Variants in RALGAPA2 observed in about 807,000 individuals in gnomAD.
RALGAPA2 encodes the protein ral GTPase-activating protein subunit alpha-2.
RALGAPA2 carries 139 observed loss-of-function variants against 230.4 expected under a neutral mutation model. The observed-to-expected ratio is 0.60, with a 90% CI of 0.53 to 0.69. The LOEUF is 0.69. Ranked by LOEUF, RALGAPA2 falls within the 30% of genes least tolerant of loss-of-function variation. The pLI, the probability that RALGAPA2 is intolerant of heterozygous loss-of-function variation, is 0.00. For missense variants in RALGAPA2, 2,163 were observed against 2,276.0 expected (o/e 0.95, Z 1.01); for synonymous variants, 847 against 837.8 (o/e 1.01, Z -0.19).
At chr20:20,479,957 C>T (rs1276808295) in intron 36 of RALGAPA2, among the ~76,000 whole-genome samples, 1 of 152,192 alleles carries the variant, frequency 6.6e-6, no homozygotes, top group African/African-American at 2.4e-5. Context: ...AATCCAAATG[C>T]ATTCCTCTCC....
intron 37 of RALGAPA2, among the ~76,000 whole-genome samples, chr20:20,449,842 T>C (rs1256604046): frequency 6.6e-6 from 1 of 152,248 alleles, no homozygotes; most frequent in East Asian, 1.9e-4. Context: ...AAAATATAAT[T>C]TCATTAACAG....
At chr20:20,445,615 T>C (rs970064075) in intron 37 of RALGAPA2, among the ~76,000 whole-genome samples, 4 of 152,222 alleles carry the variant, frequency 2.6e-5, no homozygotes, top group Non-Finnish European at 5.9e-5. Flanking sequence ...ATTTTCTCCA[T>C]GGCTGGGGAT....
intron 34 of RALGAPA2, among the ~76,000 whole-genome samples, chr20:20,504,356 T>C (rs73289170): frequency 0.011 from 1,678 of 152,292 alleles, 26 homozygotes; most frequent in African/African-American, 0.038. Flanking sequence ...TTACCCTGTT[T>C]CCATCCCTGC....
At chr20:20,569,467 A>G (rs1247316719) in intron 23 of RALGAPA2, among the ~76,000 whole-genome samples, 1 of 152,188 alleles carries the variant, frequency 6.6e-6, no homozygotes, top group Admixed American at 6.5e-5. Context: ...TGTTGGGATT[A>G]CTGTTAGCAT....
intron 1 of RALGAPA2, among the ~76,000 whole-genome samples, chr20:20,711,985 A>G (rs561094917): frequency 1.1e-4 from 17 of 152,114 alleles, no homozygotes; most frequent in Non-Finnish European, 2.4e-4. Context: ...TTAGGGTCTC[A>G]GACTCAAAAA....
rs938254222 is a variant in RALGAPA2, at chr20:20,512,687, A to G, written c.4682T>C (p.Ile1561Thr). Residue 1561 changes from isoleucine to threonine, a missense_variant, in exon 32 of 40, where the codon ATT becomes ACT. By Grantham distance (89) the Ile-to-Thr change is moderately conservative. Transcript: ENST00000202677. ...AGCATTTTGGCGCAAAATGACCTCAATGATTTCCTTCTCTTGGTCATAGTT... is the reference window on the plus strand; with the variant it reads ...AGCATTTTGGCGCAAAATGACCTCAGTGATTTCCTTCTCTTGGTCATAGTT... ...GMNYDQEKEIIEVILRQNAQE... is the reference protein window; with the variant it reads ...GMNYDQEKEITEVILRQNAQE... 4.3e-6 allele frequency: 7 copies of G among 1,613,904 alleles called. No individual in the cohort carries two copies. The highest frequency in any genetic ancestry group is 1.3e-5 in the African/African-American group (1 of 74,932).
chr20:20,639,395 T>C lies in RALGAPA2; in HGVS notation c.666+390A>G, dbSNP rs139060745. ...CATATGAGAAAAATAATACATGACA[T>C]AAAGGAGGCCTGTGCCAATGGCATG... is the stretch of plus-strand genomic sequence containing the variant. On this transcript the variant is annotated intron_variant, in intron 7 of 39. Transcript: ENST00000202677. Among the ~76,000 whole-genome samples, 5 of 152,300 alleles carry C rather than the reference T, an allele frequency of 3.3e-5. No homozygotes were observed. The East Asian group carries it at 9.7e-4, about 29-fold the overall frequency.
chr20:20,552,718 G>C (rs892686028), intron 23 of RALGAPA2, among the ~76,000 whole-genome samples: 1 of 152,152 alleles, frequency 6.6e-6, no homozygotes, highest in African/African-American at 2.4e-5. Flanking sequence ...TTAAGTATTA[G>C]TTATTGCCCA....
intron 36 of RALGAPA2, among the ~76,000 whole-genome samples, chr20:20,477,229 C>T (rs61145166): frequency 0.01 from 1,528 of 152,224 alleles, 21 homozygotes; most frequent in African/African-American, 0.035. Context: ...TCCAAGGAAA[C>T]GTTTTCCAGA....
chr20:20,706,065 C>T (rs543930434), intron 1 of RALGAPA2, among the ~76,000 whole-genome samples: 1 of 152,162 alleles, frequency 6.6e-6, no homozygotes, highest in Non-Finnish European at 1.5e-5. Context: ...AAGTATTATG[C>T]CTGTCCACAA....
chr20:20,536,764 G>A lies in RALGAPA2; in HGVS notation c.3306C>T (p.Val1102=). 1 of 1,612,532 alleles carries A rather than the reference G, an allele frequency of 6.2e-7. No homozygotes were observed. The highest frequency in any genetic ancestry group is 8.5e-7 in the Non-Finnish European group (1 of 1,178,860). The change falls in exon 25 of 40, where the codon GTC becomes GTT. Residue 1102 remains valine, a synonymous_variant. Coordinates refer to ENST00000202677, the MANE Select transcript of RALGAPA2 (RefSeq NM_020343.4). ...AGCAGACCAGAGAGCCGAGGACAGT[G>A]ACAGCCTCTGAACGAGGCGCCTGCA... ...DILTAPRSEA[V]TVLGSLVCFP...
chr20:20,466,237 A>T (rs2061419901), intron 37 of RALGAPA2, among the ~76,000 whole-genome samples: 1 of 152,240 alleles, frequency 6.6e-6, no homozygotes, highest in African/African-American at 2.4e-5. Flanking sequence ...AAAAGTCTAG[A>T]TTTTTTAAAA....
intron 24 of RALGAPA2, among the ~76,000 whole-genome samples, chr20:20,541,972 T>C (rs530781298): frequency 1.3e-5 from 2 of 152,276 alleles, no homozygotes; most frequent in Admixed American, 6.5e-5. Flanking sequence ...AGTCAAATTA[T>C]CTGTTTGCAG....
Position 20,635,663 on chromosome 20 carries a change from A to T in RALGAPA2, c.806-46T>A, listed in dbSNP as rs563497486. 541 of 1,405,044 alleles carry T rather than the reference A, an allele frequency of 3.9e-4. 7 individuals are homozygous for T. The South Asian group carries it at 7.1e-3, about 18-fold the overall frequency. The allele number at this position is 1,405,044 out of a possible 1,614,324, so 87.0% of individuals were successfully genotyped here. On this transcript the variant is annotated intron_variant, in intron 8 of 39. Transcript: ENST00000202677. ...TGATTGATTAGGTTAATAAATCATA[A>T]CATTAAGTAATCCCTACAAATGTTT...
At chr20:20,400,278 GC>G (rs1227163205) in intron 38 of RALGAPA2, among the ~76,000 whole-genome samples, 2 of 152,218 alleles carry the variant, frequency 1.3e-5, no homozygotes, top group East Asian at 3.8e-4. Context: ...CTGTGTCCTG[GC>G]CCTGGCTCTG....
At chr20:20,483,838 G>A (rs1337440482) in intron 36 of RALGAPA2, among the ~76,000 whole-genome samples, 2 of 152,076 alleles carry the variant, frequency 1.3e-5, no homozygotes, top group Non-Finnish European at 2.9e-5. Flanking sequence ...AAATAATGAA[G>A]GATAAAAATG....
chr20:20,484,458 G>A (rs1467035532), intron 36 of RALGAPA2, among the ~76,000 whole-genome samples: 1 of 152,018 alleles, frequency 6.6e-6, no homozygotes, highest in Non-Finnish European at 1.5e-5. Context: ...CATTGGGCTT[G>A]GACTAGTTTC....
At chr20:20,413,306 C>T (rs767367341) in intron 37 of RALGAPA2, among the ~76,000 whole-genome samples, 9 of 152,222 alleles carry the variant, frequency 5.9e-5, no homozygotes, top group Non-Finnish European at 1.0e-4. Flanking sequence ...AATCAGCCTT[C>T]AAGACAGCAC....
At chr20:20,415,191 A>G (rs2060141914) in intron 37 of RALGAPA2, among the ~76,000 whole-genome samples, 1 of 152,206 alleles carries the variant, frequency 6.6e-6, no homozygotes, top group Non-Finnish European at 1.5e-5. Flanking sequence ...TGCTTTCTAT[A>G]ACAAAGGGCA....
Sources: gnomAD v4.1 joint callset for allele counts (sites outside exome capture counted in the v4.1 genomes callset) on GRCh38, gnomAD v4.1.1 for gene constraint, MANE v1.5 for transcripts, NCBI Gene and HGNC (gene_info 2026-07-23, HGNC 2026-07-21) for gene names.